The following CACNG2 variants were observed in gnomAD, a reference collection of about 807,000 sequenced individuals.
CACNG2 encodes the protein calcium voltage-gated channel auxiliary subunit gamma 2.
Under a neutral mutation model 25.9 loss-of-function variants are expected in CACNG2, and 3 were observed. That is an observed-to-expected ratio of 0.12 (90% confidence interval 0.05 to 0.30). CACNG2 has a LOEUF of 0.30. Among genes scored for constraint, CACNG2 ranks in the 10% least tolerant of loss-of-function variants. The pLI is 1.00. For missense variants in CACNG2, 341 were observed against 432.5 expected (o/e 0.79, Z 1.88); for synonymous variants, 167 against 173.3 (o/e 0.96, Z 0.29).
rs1446173845 is a variant in CACNG2, at chr22:36,564,062, C to T, written c.*289G>A. Reference sequence around the variant, plus strand: ...TCTATTTTTAATTTTTTATCCCTCTCGCTTTTTTTTAAAGTTTGTTTTCTT... The same window carrying T: ...TCTATTTTTAATTTTTTATCCCTCTTGCTTTTTTTTAAAGTTTGTTTTCTT... On this transcript the variant is annotated 3_prime_UTR_variant, in exon 4 of 4. Transcript: ENST00000300105. The surrounding 1 kb of genome is among the most constrained non-coding windows in gnomAD (Gnocchi z 6.7). 6 of 298,270 alleles carry T rather than the reference C, an allele frequency of 2.0e-5. No homozygotes were observed. The highest frequency in any genetic ancestry group is 9.3e-4 in the Middle Eastern group (1 of 1,080). 18.5% of individuals were successfully genotyped at this position (298,270 alleles called of 1,614,324 possible). A position where few individuals can be genotyped will look rare whatever the true frequency, so the allele number is the denominator to read the frequency against.
intron 2 of CACNG2, among the ~76,000 whole-genome samples, chr22:36,579,460 G>A (rs1220075291): frequency 3.6e-5 from 5 of 140,628 alleles, no homozygotes; most frequent in Non-Finnish European, 7.6e-5. Context: ...AATACATATA[G>A]GATCAAACCC....
chr22:36,678,303 A>T (rs1937043208), intron 1 of CACNG2, among the ~76,000 whole-genome samples: 1 of 152,218 alleles, frequency 6.6e-6, no homozygotes, highest in South Asian at 2.1e-4. Flanking sequence ...TTTCAGTCTA[A>T]TGTTACAAGG....
intron 1 of CACNG2, among the ~76,000 whole-genome samples, chr22:36,639,940 A>G (rs1262468066): frequency 1.3e-5 from 2 of 152,094 alleles, no homozygotes; most frequent in Non-Finnish European, 2.9e-5. Flanking sequence ...CCCCACAGGG[A>G]CACTCTCCAG....
chr22:36,643,245 T>C (rs1054975177), intron 1 of CACNG2, among the ~76,000 whole-genome samples: 1 of 150,270 alleles, frequency 6.7e-6, no homozygotes, highest in Non-Finnish European at 1.5e-5. Flanking sequence ...TTTGTCTTTC[T>C]CTTCTTTCTT....
chr22:36,569,786 G>T (rs928138280), intron 2 of CACNG2, among the ~76,000 whole-genome samples: 20 of 152,030 alleles, frequency 1.3e-4, no homozygotes, highest in Non-Finnish European at 2.9e-4. Context: ...GTGATCCACC[G>T]GCCTCGGCCT....
chr22:36,609,996 T>C (rs995093821), intron 1 of CACNG2, among the ~76,000 whole-genome samples: 35 of 148,864 alleles, frequency 2.4e-4, no homozygotes, highest in African/African-American at 8.5e-4. Flanking sequence ...TCCCAGAGCG[T>C]GATCAGGCAG....
intron 1 of CACNG2, among the ~76,000 whole-genome samples, chr22:36,611,180 C>T (rs746368134): frequency 3.9e-5 from 6 of 152,052 alleles, no homozygotes; most frequent in Admixed American, 1.3e-4. Flanking sequence ...CAAGGGACTG[C>T]GGGGGCTGGG....
chr22:36,623,675 A>C (rs1936141901), intron 1 of CACNG2, among the ~76,000 whole-genome samples: 1 of 152,176 alleles, frequency 6.6e-6, no homozygotes, highest in Non-Finnish European at 1.5e-5. Flanking sequence ...AAAGGGACTC[A>C]GCTGAGCATC....
intron 1 of CACNG2, among the ~76,000 whole-genome samples, chr22:36,591,177 C>T (rs375654747): frequency 6.6e-6 from 1 of 151,886 alleles, no homozygotes; most frequent in African/African-American, 2.4e-5. Flanking sequence ...GCTGGAACTA[C>T]AGGCGCCCGC....
intron 1 of CACNG2, among the ~76,000 whole-genome samples, chr22:36,655,701 TTCTTTC>T (rs200088794): frequency 7.3e-5 from 11 of 150,550 alleles, no homozygotes; most frequent in South Asian, 6.2e-4. Context: ...CTTCCTTTCT[TTCTTTC>T]TCTTTCTCTT....
intron 1 of CACNG2, among the ~76,000 whole-genome samples, chr22:36,668,378 C>A (rs1176691926): frequency 6.6e-6 from 1 of 152,202 alleles, no homozygotes; most frequent in East Asian, 1.9e-4. Context: ...GGAATTGGCT[C>A]ATGCTATTAG....
At position 36,568,277 on chromosome 22, in the gene CACNG2, G is replaced by A. The variant is rs778743187; in HGVS notation, c.296-1784C>T. Among the ~76,000 whole-genome samples, 17 of 152,292 alleles carry A rather than the reference G, an allele frequency of 1.1e-4. No individual in the cohort carries two copies. In the South Asian group the frequency reaches 2.5e-3, roughly 22 times the overall value. On this transcript the variant is annotated intron_variant, in intron 2 of 3. Coordinates refer to ENST00000300105, the MANE Select transcript of CACNG2 (RefSeq NM_006078.5). ...TTTTGGAGGGGAATGTGCCAGGAGC[G>A]GAGCTTCCTCTTATCCCCATCCCCG...
intron 2 of CACNG2, among the ~76,000 whole-genome samples, chr22:36,576,573 CGTGT>C (rs1025395207): frequency 1.4e-5 from 2 of 142,246 alleles, no homozygotes; most frequent in African/African-American, 2.6e-5. Flanking sequence ...TCTGTGTGTG[CGTGT>C]GTGTGTGTGT....
At chr22:36,581,043 C>T (rs943712765) in intron 2 of CACNG2, among the ~76,000 whole-genome samples, 1 of 152,182 alleles carries the variant, frequency 6.6e-6, no homozygotes, top group African/African-American at 2.4e-5. Flanking sequence ...CAAGAGAAGT[C>T]ACACCCCGGT....
rs556654167 is a variant in CACNG2, at chr22:36,563,371, G to T, written c.*980C>A. 2.4e-3 allele frequency among the ~76,000 whole-genome samples: 370 copies of T among 151,922 alleles called. 2 individuals carry two copies. The highest frequency in any genetic ancestry group is 8.5e-3 in the African/African-American group (352 of 41,442). On this transcript the variant is annotated 3_prime_UTR_variant, in exon 4 of 4. Transcript: ENST00000300105. ...GAGAGCTGTTTCATGTCCCCCGGGG[G>T]GGGGGGTGGCATCTCCTGACCCCAA...
chr22:36,564,620 G>A lies in CACNG2; in HGVS notation c.703C>T (p.Arg235Cys). 6.2e-7 allele frequency: 1 copy of A among 1,613,852 alleles called. No homozygotes were observed. Among genetic ancestry groups the A allele is most frequent in the Non-Finnish European group, 8.5e-7 (1 of 1,179,966 alleles). Residue 235 changes from arginine to cysteine, a missense_variant, in exon 4 of 4, where the codon CGC becomes TGC. Around this residue, in one of 2 missense-constraint regions of CACNG2, gnomAD observed 172 missense variants for 178.1 expected, o/e 0.97. Coordinates refer to ENST00000300105, the MANE Select transcript of CACNG2 (RefSeq NM_006078.5). The surrounding 1 kb of genome is among the most constrained non-coding windows in gnomAD (Gnocchi z 6.7). ...GAGCGCGAGCTGGAGCGGCTGCGGCGCTGGTAGCGGTAGCGGTAGCTGGGG... is the reference window on the plus strand; with the variant it reads ...GAGCGCGAGCTGGAGCGGCTGCGGCACTGGTAGCGGTAGCGGTAGCTGGGG... ...RIPSYRYRYQ[R>C]RSRSSSRSTE...
intron 1 of CACNG2, among the ~76,000 whole-genome samples, chr22:36,700,938 AG>A (rs1486522373): frequency 1.3e-5 from 2 of 152,100 alleles, no homozygotes; most frequent in South Asian, 2.1e-4. Context: ...GAATGTTGGG[AG>A]GGGGGCATGG....
In CACNG2 at chr22:36,578,123, A is replaced by G. The variant is rs996832654; in HGVS notation, c.295+9342T>C. Among the ~76,000 whole-genome samples, 12 of 152,024 alleles carry G rather than the reference A, an allele frequency of 7.9e-5. No homozygotes were observed. In the South Asian group the frequency reaches 1.2e-3, roughly 16 times the overall value. On this transcript the variant is annotated intron_variant, in intron 2 of 3. Transcript: ENST00000300105. ...ACACCTGTCATCCCAGCACTTTGGG[A>G]GGCCAAGGCTGGCAGATCACTTGAG...
At chr22:36,694,068 G>A (rs949574509) in intron 1 of CACNG2, among the ~76,000 whole-genome samples, 2 of 152,158 alleles carry the variant, frequency 1.3e-5, no homozygotes, top group African/African-American at 4.8e-5. Flanking sequence ...GCCACATTCT[G>A]CTCTATGCTG....
Sources: allele counts gnomAD v4.1 joint callset (sites outside exome capture counted in the v4.1 genomes callset), GRCh38; gene constraint gnomAD v4.1.1; regional missense constraint gnomAD v4.1.1; non-coding constraint Gnocchi (gnomAD v3.1); transcripts MANE v1.5; gene names NCBI Gene and HGNC (gene_info 2026-07-23, HGNC 2026-07-21).